Variants in NDUFA9 observed in about 807,000 individuals in gnomAD.
NDUFA9 encodes the protein NADH dehydrogenase [ubiquinone] 1 alpha subcomplex subunit 9, mitochondrial.
Under a neutral mutation model 45.9 loss-of-function variants are expected in NDUFA9, and 23 were observed. That is an observed-to-expected ratio of 0.50 (90% CI 0.36 to 0.71). The LOEUF (loss-of-function observed/expected upper bound fraction) is 0.71, where lower values mean the gene tolerates loss of function less well. Among genes scored for constraint, NDUFA9 ranks in the 30% least tolerant of loss-of-function variants. NDUFA9 has a pLI of 0.00. For synonymous variants in NDUFA9, 176 were observed against 170.5 expected, an observed-to-expected ratio of 1.03 and a Z score of -0.25; for missense variants, 466 against 488.2, an observed-to-expected ratio of 0.95 and a Z score of 0.43.
chr12:4,685,197 C>T lies in NDUFA9; in HGVS notation c.897-62C>T, dbSNP rs1274277046. 2.8e-6 allele frequency: 4 copies of T among 1,428,806 alleles called. No homozygotes were observed. In the South Asian group the frequency reaches 4.6e-5, roughly 16 times the overall value. 88.5% of individuals were successfully genotyped at this position (1,428,806 alleles called of 1,614,324 possible). On this transcript the variant is annotated intron_variant, in intron 9 of 10. Coordinates refer to ENST00000266544, the MANE Select transcript of NDUFA9 (RefSeq NM_005002.5). ...TCTGTCTTCCTGCAGTTCTCATAGGCTAGCTTACATCTTGGGCAGAGAGAT... is the reference window on the plus strand; with the variant it reads ...TCTGTCTTCCTGCAGTTCTCATAGGTTAGCTTACATCTTGGGCAGAGAGAT...
At chr12:4,675,188 G>A (rs1365210840) in intron 8 of NDUFA9, among the ~76,000 whole-genome samples, 1 of 152,160 alleles carries the variant, frequency 6.6e-6, no homozygotes, top group East Asian at 1.9e-4. Flanking sequence ...GAAATTTATA[G>A]CACTAAATGC....
Position 4,649,188 on chromosome 12 carries a change from G to C in NDUFA9, c.49+13G>C. 1 of 1,599,606 alleles carries C rather than the reference G, an allele frequency of 6.3e-7. No individual in the cohort carries two copies. Among genetic ancestry groups the C allele is most frequent in the Non-Finnish European group, 8.5e-7 (1 of 1,173,096 alleles). On this transcript the variant is annotated intron_variant, in intron 1 of 10. Transcript: ENST00000266544. ...CTGTCAATGTCACGTAAGTGTTACC[G>C]GGAACGGCGGCCCCTGGTCGGGATT...
Position 4,687,276 on chromosome 12 carries a change from A to G in NDUFA9, c.*168A>G, listed in dbSNP as rs1591552091. ...CCTTGATTTACAAAATGAGAAATGT[A>G]GTCACTTAGAACTTGAGCATGATTT... On this transcript the variant is annotated 3_prime_UTR_variant, in exon 11 of 11. Transcript: ENST00000266544. The G allele has an allele frequency of 5.0e-6, 3 of 604,206 alleles. No homozygotes were observed. The highest frequency in any genetic ancestry group is 9.2e-4 in the Middle Eastern group (2 of 2,180). 37.4% of individuals were successfully genotyped at this position (604,206 alleles called of 1,614,324 possible).
Position 4,657,795 on chromosome 12 carries a change from C to CATGT in NDUFA9, c.367_368insTGTA (p.Ser123MetfsTer2), listed in dbSNP as rs1473984530. 14 of 1,613,776 alleles carry CATGT rather than the reference C, an allele frequency of 8.7e-6. No homozygotes were observed. Among genetic ancestry groups the CATGT allele is most frequent in the Non-Finnish European group, 1.2e-5 (14 of 1,179,704 alleles). ...ATTCTATCCGACGAGTAGTACAACA[C>CATGT]AGCAATGTGGTCATCAATCTTATTG... On this transcript the variant is annotated frameshift_variant, in exon 4 of 11. Coordinates refer to ENST00000266544, the MANE Select transcript of NDUFA9 (RefSeq NM_005002.5). LOFTEE classifies it high-confidence loss of function.
intron 1 of NDUFA9, 81 bp downstream of exon 1, chr12:4,649,256 A>T: frequency 6.7e-7 from 1 of 1,495,610 alleles, no homozygotes; most frequent in Non-Finnish European, 9.1e-7. Flanking sequence ...ACCGTGCTGC[A>T]GCGGTCACGC....
chr12:4,671,398 G>T (rs911697627), intron 8 of NDUFA9, among the ~76,000 whole-genome samples: 1 of 151,840 alleles, frequency 6.6e-6, no homozygotes, highest in East Asian at 1.9e-4. Context: ...ATTCACAGCA[G>T]CATAAAAAAT....
At chr12:4,675,105 T>G (rs1203795284) in intron 8 of NDUFA9, among the ~76,000 whole-genome samples, 1 of 152,196 alleles carries the variant, frequency 6.6e-6, no homozygotes, top group Non-Finnish European at 1.5e-5. Flanking sequence ...ATAAAGATGT[T>G]CTTTGAAACC....
chr12:4,680,986 G>A (rs936923674), intron 8 of NDUFA9, among the ~76,000 whole-genome samples: 2 of 152,202 alleles, frequency 1.3e-5, no homozygotes, highest in Non-Finnish European at 2.9e-5. Flanking sequence ...GATATAGTAT[G>A]TGATAAGGGT....
chr12:4,677,542 A>G (rs989101942), intron 8 of NDUFA9, among the ~76,000 whole-genome samples: 2 of 152,276 alleles, frequency 1.3e-5, no homozygotes, highest in Admixed American at 6.5e-5. Flanking sequence ...AACATATGAA[A>G]AAAGCTCATC....
chr12:4,682,995 C>G (rs1945962907), intron 9 of NDUFA9, among the ~76,000 whole-genome samples: 1 of 152,060 alleles, frequency 6.6e-6, no homozygotes, highest in Non-Finnish European at 1.5e-5. Context: ...ATTGCTTGAG[C>G]TTGGGAGTTC....
At chr12:4,677,244 A>G (rs1945925402) in intron 8 of NDUFA9, among the ~76,000 whole-genome samples, 1 of 152,244 alleles carries the variant, frequency 6.6e-6, no homozygotes. Context: ...GGCATGGGCA[A>G]AGACTTCGTA....
chr12:4,649,426 G>C (rs1054993051), intron 1 of NDUFA9, among the ~76,000 whole-genome samples: 4 of 152,136 alleles, frequency 2.6e-5, no homozygotes, highest in Non-Finnish European at 5.9e-5. Context: ...AGAATGCGGG[G>C]GACACGTTAG....
At chr12:4,676,974 C>A (rs770612221) in intron 8 of NDUFA9, among the ~76,000 whole-genome samples, 12 of 152,160 alleles carry the variant, frequency 7.9e-5, no homozygotes, top group Non-Finnish European at 1.5e-4. Context: ...TGGGACAGAA[C>A]AGAGGGCTCA....
At chr12:4,666,195 TG>T (rs1945852400) in intron 6 of NDUFA9, among the ~76,000 whole-genome samples, 1 of 152,216 alleles carries the variant, frequency 6.6e-6, no homozygotes, top group African/African-American at 2.4e-5. Flanking sequence ...TTTGGAGAAA[TG>T]TCTGTTCATG....
intron 7 of NDUFA9, 74 bp from the exon 8 acceptor site, chr12:4,669,667 T>C: frequency 1.0e-6 from 1 of 963,010 alleles, no homozygotes; most frequent in South Asian, 1.5e-5. Flanking sequence ...TTCTTTCCTT[T>C]CTTTCTATCT....
At chr12:4,665,746 G>GTT (rs10657164) in intron 6 of NDUFA9, among the ~76,000 whole-genome samples, 9,713 of 143,864 alleles carry the variant, frequency 0.068, 420 homozygotes, top group Non-Finnish European at 0.094. Flanking sequence ...GTTATTTTCT[G>GTT]TTTTTTTTTT....
intron 10 of NDUFA9, among the ~76,000 whole-genome samples, chr12:4,686,651 T>C (rs1448105825): frequency 6.6e-6 from 1 of 152,102 alleles, no homozygotes; most frequent in Non-Finnish European, 1.5e-5. Flanking sequence ...TCTGTTGAAA[T>C]CTGTATATAG....
chr12:4,661,162 C>T (rs989112598), intron 5 of NDUFA9, among the ~76,000 whole-genome samples: 7 of 152,082 alleles, frequency 4.6e-5, no homozygotes, highest in African/African-American at 1.7e-4. Flanking sequence ...CACTGTTCCT[C>T]CCATCAGGTA....
chr12:4,659,205 G>T, intron 5 of NDUFA9, 28 bp downstream of exon 5: 1 of 1,589,496 alleles, frequency 6.3e-7, no homozygotes. Context: ...CTGGGAAGTG[G>T]TTCACAGAGC....
Sources: allele counts gnomAD v4.1 joint callset (sites outside exome capture counted in the v4.1 genomes callset), GRCh38; gene constraint gnomAD v4.1.1; transcripts MANE v1.5; gene names NCBI Gene and HGNC (gene_info 2026-07-23, HGNC 2026-07-21).